Variants in VRK2 observed in about 807,000 individuals in gnomAD.
VRK2 encodes VRK serine/threonine kinase 2, also known as serine/threonine-protein kinase VRK2.
Under a neutral mutation model 57.6 loss-of-function variants are expected in VRK2, and 60 were observed. The observed-to-expected ratio is 1.04, with a 90% CI of 0.85 to 1.29. The LOEUF (loss-of-function observed/expected upper bound fraction) is 1.29. Ranked by LOEUF, VRK2 falls within the 50% of genes most tolerant of loss-of-function variation. The pLI is 0.00. For missense variants in VRK2, 705 were observed against 588.1 expected (o/e 1.20, Z -2.06); for synonymous variants, 231 against 199.2 (o/e 1.16, Z -1.35).
intron 1 of VRK2, among the ~76,000 whole-genome samples, chr2:58,007,217 CCTCTCTCTCTCT>C (rs34855177): frequency 6.4e-5 from 9 of 141,594 alleles, no homozygotes; most frequent in Middle Eastern, 7.1e-3. Context: ...TCTCTCTCTC[CCTCTCTCTCTCT>C]CTCTCTCTCT....
chr2:58,111,109 C>T (rs972160066), intron 7 of VRK2, among the ~76,000 whole-genome samples: 1 of 152,156 alleles, frequency 6.6e-6, no homozygotes, highest in Non-Finnish European at 1.5e-5. Flanking sequence ...CCTGTAAAAG[C>T]GTTAGTTAAA....
chr2:57,926,859 A>G (rs569050273), intron 1 of VRK2, among the ~76,000 whole-genome samples: 30 of 151,278 alleles, frequency 2.0e-4, no homozygotes, highest in Admixed American at 1.5e-3. Flanking sequence ...TTTATATTCA[A>G]TGTTCTTATT....
intron 1 of VRK2, among the ~76,000 whole-genome samples, chr2:58,012,168 G>C (rs527563935): frequency 6.6e-6 from 1 of 152,286 alleles, no homozygotes; most frequent in South Asian, 2.1e-4. Flanking sequence ...CTAAAAAGGG[G>C]AGGCATGAAT....
At chr2:58,021,490 A>T (rs1673754221) in intron 1 of VRK2, among the ~76,000 whole-genome samples, 1 of 152,166 alleles carries the variant, frequency 6.6e-6, no homozygotes, top group South Asian at 2.1e-4. Flanking sequence ...CTAAATATTT[A>T]TTGTCTCCAA....
At chr2:57,942,112 T>C (rs894401311) in intron 1 of VRK2, among the ~76,000 whole-genome samples, 8 of 152,266 alleles carry the variant, frequency 5.3e-5, no homozygotes, top group Admixed American at 2.0e-4. Flanking sequence ...AAACACACTG[T>C]ACGAAACAAC....
chr2:58,058,700 T>C (rs900383976), intron 2 of VRK2, among the ~76,000 whole-genome samples: 1 of 152,038 alleles, frequency 6.6e-6, no homozygotes, highest in Admixed American at 6.6e-5. Flanking sequence ...ATATTTATTA[T>C]AAAGTACTAA....
chr2:57,958,996 G>C (rs1378038275), intron 1 of VRK2, among the ~76,000 whole-genome samples: 1 of 152,178 alleles, frequency 6.6e-6, no homozygotes, highest in South Asian at 2.1e-4. Context: ...GCCTGGATAT[G>C]TGTAGCATAT....
chr2:58,054,545 T>C (rs1247428555), intron 2 of VRK2, among the ~76,000 whole-genome samples: 3 of 152,220 alleles, frequency 2.0e-5, no homozygotes, highest in East Asian at 1.9e-4. Flanking sequence ...TGAAGTGTTT[T>C]AGGTTTTTTT....
intron 10 of VRK2, among the ~76,000 whole-genome samples, chr2:58,137,201 T>TATATATGATA (rs1558687059): frequency 3.8e-5 from 1 of 26,032 alleles, no homozygotes; most frequent in Non-Finnish European, 7.3e-5. Flanking sequence ...TACATATATA[T>TATATATGATA]CTCATATATG....
At chr2:58,134,210 C>T (rs949603630) in intron 9 of VRK2, among the ~76,000 whole-genome samples, 10 of 152,256 alleles carry the variant, frequency 6.6e-5, no homozygotes, top group African/African-American at 2.2e-4. Context: ...CCCCTGTACC[C>T]CAAGCAAGGC....
At chr2:57,962,608 T>C (rs1034630136) in intron 1 of VRK2, among the ~76,000 whole-genome samples, 1 of 152,140 alleles carries the variant, frequency 6.6e-6, no homozygotes, top group Admixed American at 6.5e-5. Context: ...GTGTCTCTTG[T>C]TTCCTTCTTC....
At chr2:57,982,515 C>A (rs907706750) in intron 1 of VRK2, among the ~76,000 whole-genome samples, 2 of 152,150 alleles carry the variant, frequency 1.3e-5, no homozygotes, top group Non-Finnish European at 2.9e-5. Flanking sequence ...TGCAGGTATG[C>A]AATGGCTGTG....
At chr2:58,080,758 A>G (rs982189764) in intron 2 of VRK2, among the ~76,000 whole-genome samples, 8 of 151,840 alleles carry the variant, frequency 5.3e-5, no homozygotes, top group African/African-American at 1.9e-4. Flanking sequence ...TTTGTCTCTT[A>G]TAAATACATT....
intron 12 of VRK2, among the ~76,000 whole-genome samples, chr2:58,149,245 A>C (rs1186432024): frequency 6.6e-6 from 1 of 151,678 alleles, no homozygotes; most frequent in Non-Finnish European, 1.5e-5. Flanking sequence ...CATTAAAATT[A>C]TCTCTAAATA....
intron 1 of VRK2, among the ~76,000 whole-genome samples, chr2:57,958,437 G>T (rs1367900888): frequency 1.4e-5 from 2 of 143,180 alleles, no homozygotes; most frequent in East Asian, 2.0e-4. Flanking sequence ...GTATATACAT[G>T]TATATATATT....
At chr2:57,938,395 G>A (rs1670985352) in intron 1 of VRK2, among the ~76,000 whole-genome samples, 1 of 152,186 alleles carries the variant, frequency 6.6e-6, no homozygotes, top group Non-Finnish European at 1.5e-5. Flanking sequence ...CCCAGTGGAA[G>A]AAAATTGGGT....
intron 1 of VRK2, among the ~76,000 whole-genome samples, chr2:57,921,310 A>T (rs143988792): frequency 4.9e-5 from 7 of 142,522 alleles, no homozygotes; most frequent in Non-Finnish European, 9.2e-5. Flanking sequence ...ACACACACAC[A>T]CTCACACACA....
At chr2:58,096,058 A>G (rs1673082564) in intron 7 of VRK2, among the ~76,000 whole-genome samples, 1 of 152,086 alleles carries the variant, frequency 6.6e-6, no homozygotes, top group African/African-American at 2.4e-5. Context: ...AAGTAATCAT[A>G]TTTGTCTCAA....
upstream of VRK2, among the ~76,000 whole-genome samples, chr2:58,043,159 T>C (rs1045239987): frequency 2.6e-5 from 4 of 152,270 alleles, no homozygotes; most frequent in East Asian, 1.9e-4. Context: ...CTGCAAGAAA[T>C]ATAAAAACCA....
Sources: gnomAD v4.1 joint callset for allele counts (sites outside exome capture counted in the v4.1 genomes callset) on GRCh38, gnomAD v4.1.1 for gene constraint, MANE v1.5 for transcripts, NCBI Gene and HGNC (gene_info 2026-07-23, HGNC 2026-07-21) for gene names.